Variants in MND1 observed in about 807,000 individuals in gnomAD.
The protein encoded by MND1 is meiotic nuclear divisions 1.
MND1 carries 28 observed loss-of-function variants against 35.1 expected under a neutral mutation model. The ratio of observed to expected loss-of-function variants is 0.80; its 90% CI spans 0.59 to 1.09. The LOEUF is 1.09. Ranked by LOEUF, MND1 falls within the 50% of genes least tolerant of loss-of-function variation. The probability of loss-of-function intolerance (pLI) is 0.00; values close to 1 mark genes in which losing one functional copy is unlikely to be tolerated. For missense variants in MND1, 213 were observed against 239.6 expected, an observed-to-expected ratio of 0.89 and a Z score of 0.73; for synonymous variants, 69 against 70.5, an observed-to-expected ratio of 0.98 and a Z score of 0.11.
chr4:153,344,697 CA>C lies in MND1; in HGVS notation c.-39del. ...TCCTGGCCTGTCCCGCCCCTCTCCC[CA>C]AGCGCGGGCCCGGCCAGCGGAAGCC... is the stretch of plus-strand genomic sequence containing the variant. On this transcript the variant is annotated 5_prime_UTR_variant, in exon 1 of 8. Transcript: ENST00000240488. 1 of 1,569,228 alleles carries C rather than the reference CA, an allele frequency of 6.4e-7. No individual in the cohort carries two copies. The highest frequency in any genetic ancestry group is 8.6e-7 in the Non-Finnish European group (1 of 1,158,898).
At chr4:153,344,677 G>C (rs1379218594), upstream of MND1, 3 of 1,496,154 alleles carry the variant, frequency 2.0e-6, no homozygotes, top group African/African-American at 4.3e-5. Flanking sequence ...ACGCGTCCTG[G>C]CCTGTCCCGC....
intron 4 of MND1, among the ~76,000 whole-genome samples, chr4:153,383,567 T>A (rs540834718): frequency 2.6e-5 from 4 of 152,298 alleles, no homozygotes; most frequent in African/African-American, 7.2e-5. Context: ...TTGGTTGGGA[T>A]AAGGGACAGG....
At chr4:153,394,070 G>A (rs1729130837) in intron 4 of MND1, among the ~76,000 whole-genome samples, 192 bp from the exon 5 acceptor site, 1 of 150,128 alleles carries the variant, frequency 6.7e-6, no homozygotes, top group South Asian at 2.1e-4. Context: ...GCTCATTTTT[G>A]TATTTTTAGT....
At chr4:153,355,812 C>G in intron 3 of MND1, 101 bp downstream of exon 3, 1 of 773,202 alleles carries the variant, frequency 1.3e-6, no homozygotes, top group Non-Finnish European at 2.2e-6. Flanking sequence ...AACAGTCTTT[C>G]ACTTTATGGA....
intron 5 of MND1, among the ~76,000 whole-genome samples, chr4:153,395,575 T>G (rs960380250): frequency 1.3e-5 from 2 of 152,224 alleles, no homozygotes; most frequent in African/African-American, 4.8e-5. Flanking sequence ...GTGGTGATCC[T>G]GCTGCTGGTA....
chr4:153,355,586 A>T (rs929567777), intron 2 of MND1, 68 bp from the exon 3 acceptor site: 37 of 1,040,096 alleles, frequency 3.6e-5, no homozygotes, highest in Admixed American at 1.2e-4. Context: ...AAAAATTTTT[A>T]AAAATGAAAA....
intron 5 of MND1, among the ~76,000 whole-genome samples, chr4:153,395,562 ATGG>A (rs929089641): frequency 1.3e-5 from 2 of 152,198 alleles, no homozygotes; most frequent in Admixed American, 1.3e-4. Context: ...ATTCTTGATG[ATGG>A]TGGTGATCCT....
At chr4:153,401,874 T>C (rs141408462) in intron 6 of MND1, among the ~76,000 whole-genome samples, 17 of 152,296 alleles carry the variant, frequency 1.1e-4, no homozygotes, top group African/African-American at 3.1e-4. Flanking sequence ...AGTTGAATTA[T>C]TGATATCATT....
Position 153,355,728 on chromosome 4 carries a change from T to A in MND1, c.127+17T>A. 3 of 1,489,464 alleles carry A rather than the reference T, an allele frequency of 2.0e-6. No individual in the cohort carries two copies. The highest frequency in any genetic ancestry group is 2.8e-6 in the Non-Finnish European group (3 of 1,073,570). The allele number at this position is 1,489,464 out of a possible 1,614,324, so 92.3% of individuals were successfully genotyped here. A position where few individuals can be genotyped will look rare whatever the true frequency, so the allele number is the denominator to read the frequency against. On this transcript the variant is annotated intron_variant, in intron 3 of 7. Coordinates refer to ENST00000240488, the MANE Select transcript of MND1 (RefSeq NM_032117.4). ...AAGGCATTAGTAAGTACCAAAGTTATACTGGAATGTTTTGGGAAATATACT... is the reference window on the plus strand; with the variant it reads ...AAGGCATTAGTAAGTACCAAAGTTAAACTGGAATGTTTTGGGAAATATACT...
intron 4 of MND1, among the ~76,000 whole-genome samples, chr4:153,359,562 G>A (rs1231868987): frequency 6.6e-6 from 1 of 152,108 alleles, no homozygotes; most frequent in African/African-American, 2.4e-5. Flanking sequence ...CGTGATTGCT[G>A]GATTGTATGG....
At chr4:153,345,069 G>A (rs945160619) in intron 1 of MND1, among the ~76,000 whole-genome samples, 1 of 152,214 alleles carries the variant, frequency 6.6e-6, no homozygotes, top group South Asian at 2.1e-4. Context: ...AACGTGACCC[G>A]AGAACTTCAC....
At chr4:153,356,552 CAAAAAA>C (rs34763120) in intron 3 of MND1, among the ~76,000 whole-genome samples, 1 of 60,044 alleles carries the variant, frequency 1.7e-5, no homozygotes, top group Non-Finnish European at 2.8e-5. Flanking sequence ...AACTCAGTCT[CAAAAAA>C]AAAAAAAAAA....
At chr4:153,374,190 G>C (rs1023959855) in intron 4 of MND1, among the ~76,000 whole-genome samples, 1 of 152,142 alleles carries the variant, frequency 6.6e-6, no homozygotes, top group Non-Finnish European at 1.5e-5. Context: ...TATGGTGGCC[G>C]CAGATCAGCT....
intron 7 of MND1, among the ~76,000 whole-genome samples, chr4:153,409,634 A>G (rs1729625891): frequency 6.6e-6 from 1 of 152,200 alleles, no homozygotes; most frequent in African/African-American, 2.4e-5. Flanking sequence ...CTGCAAGAAC[A>G]GATGCTGGAG....
rs1315983334 is a variant in MND1, at chr4:153,381,691, T to TA, written c.277-12570dup. ...TAATATATATATATATATATATATA[T>TA]ATTTTTTTTTTTTTTTTTTTTTTTT... On this transcript the variant is annotated intron_variant, in intron 4 of 7. Coordinates refer to ENST00000240488, the MANE Select transcript of MND1 (RefSeq NM_032117.4). 16 of 35,642 alleles carry TA rather than the reference T, an allele frequency of 4.5e-4. 2 individuals are homozygous for TA. Among genetic ancestry groups the TA allele is most frequent in the African/African-American group, 2.9e-3 (16 of 5,606 alleles). 2.2% of individuals were successfully genotyped at this position (35,642 alleles called of 1,614,324 possible). A position where few individuals can be genotyped will look rare whatever the true frequency, so the allele number is the denominator to read the frequency against.
chr4:153,344,768 C>T (rs749477323), intron 1 of MND1, 28 bp downstream of exon 1: 1 of 1,599,762 alleles, frequency 6.3e-7, no homozygotes, highest in South Asian at 1.1e-5. Flanking sequence ...GGTCCCGCGT[C>T]TTCTTCCTCC....
chr4:153,380,460 C>G (rs1412892009), intron 4 of MND1, among the ~76,000 whole-genome samples: 16 of 152,120 alleles, frequency 1.1e-4, no homozygotes, highest in Admixed American at 1.0e-3. Flanking sequence ...GTCTCCTGTC[C>G]CAAGTAGGCT....
intron 4 of MND1, among the ~76,000 whole-genome samples, chr4:153,372,915 T>C (rs1034305628): frequency 3.3e-5 from 5 of 152,202 alleles, no homozygotes; most frequent in African/African-American, 1.2e-4. Flanking sequence ...GTGCCCTTGA[T>C]GTATTTATCA....
Position 153,394,326 on chromosome 4 carries a change from G to T in MND1, c.341G>T (p.Arg114Leu), listed in dbSNP as rs747722860. The change falls in exon 5 of 8, where the codon CGA (arginine) becomes CTA (leucine). Residue 114 changes from arginine to leucine, a missense_variant. Physicochemically the swap from Arg to Leu is moderately radical, Grantham distance 102. Transcript: ENST00000240488. ...QKSIEKAKIGRCETEERTRLA... is the reference protein window; with the variant it reads ...QKSIEKAKIGLCETEERTRLA... ...AGCATTGAGAAAGCTAAAATTGGCC[G>T]ATGTGAAACGGTAAGTTTGTGTCTA... The T allele has an allele frequency of 6.8e-6, 11 of 1,611,224 alleles. No individual in the cohort carries two copies. Among genetic ancestry groups the T allele is most frequent in the South Asian group, 1.1e-5 (1 of 90,922 alleles).
Sources: gnomAD v4.1 joint callset for allele counts (sites outside exome capture counted in the v4.1 genomes callset) on GRCh38, gnomAD v4.1.1 for gene constraint, MANE v1.5 for transcripts, NCBI Gene and HGNC (gene_info 2026-07-23, HGNC 2026-07-21) for gene names.